The following MDGA2 variants were observed in gnomAD, a reference collection of about 807,000 sequenced individuals.
MDGA2 encodes the protein MAM domain containing glycosylphosphatidylinositol anchor 2, also known as MAM domain-containing glycosylphosphatidylinositol anchor protein 2.
Under a neutral mutation model 117.8 loss-of-function variants are expected in MDGA2, and 40 were observed. The observed-to-expected ratio is 0.34, with a 90% CI of 0.26 to 0.44. The LOEUF (loss-of-function observed/expected upper bound fraction) is 0.44, where lower values mean the gene tolerates loss of function less well. MDGA2 is among the 20% of genes least tolerant of loss of function. The pLI is 1.00. For missense variants in MDGA2, 1,123 were observed against 1,250.6 expected (o/e 0.90, Z 1.54); for synonymous variants, 452 against 439.0 (o/e 1.03, Z -0.37).
chr14:47,504,166 T>G (rs1682736617), intron 1 of MDGA2, among the ~76,000 whole-genome samples: 1 of 152,150 alleles, frequency 6.6e-6, no homozygotes, highest in African/African-American at 2.4e-5. Context: ...CTAAATGAAC[T>G]CTTTCAAAAC....
intron 1 of MDGA2, among the ~76,000 whole-genome samples, chr14:47,622,245 G>T (rs1267598661): frequency 6.6e-6 from 1 of 152,122 alleles, no homozygotes; most frequent in Non-Finnish European, 1.5e-5. Context: ...ATTTGGAGGG[G>T]GATGGGAGAA....
intron 7 of MDGA2, among the ~76,000 whole-genome samples, chr14:47,057,691 A>G (rs1889735513): frequency 8.5e-6 from 1 of 117,784 alleles, no homozygotes; most frequent in Non-Finnish European, 1.7e-5. Flanking sequence ...CTCCTCTCCA[A>G]TCTGCCTTGC....
intron 1 of MDGA2, among the ~76,000 whole-genome samples, chr14:47,431,680 T>C (rs1892802557): frequency 6.6e-6 from 1 of 152,058 alleles, no homozygotes; most frequent in Non-Finnish European, 1.5e-5. Flanking sequence ...CAGTATCATA[T>C]TATTACAAAA....
intron 1 of MDGA2, among the ~76,000 whole-genome samples, chr14:47,482,459 T>TAG (rs767042637): frequency 2.0e-5 from 3 of 152,016 alleles, no homozygotes; most frequent in South Asian, 4.1e-4. Context: ...ATAGAACACA[T>TAG]AACCTCTGTC....
intron 15 of MDGA2, among the ~76,000 whole-genome samples, 200 bp downstream of exon 15, chr14:46,854,824 A>G (rs1043929731): frequency 6.6e-6 from 1 of 151,984 alleles, no homozygotes; most frequent in African/African-American, 2.4e-5. Flanking sequence ...CAATTACTTG[A>G]TGAGTATTAA....
At chr14:47,616,364 T>C (rs1048867180) in intron 1 of MDGA2, among the ~76,000 whole-genome samples, 4 of 152,294 alleles carry the variant, frequency 2.6e-5, no homozygotes, top group South Asian at 4.1e-4. Context: ...TGTAAGATAA[T>C]TGTTGTTTTA....
chr14:46,916,748 T>C (rs557960824), intron 10 of MDGA2, among the ~76,000 whole-genome samples: 2 of 152,252 alleles, frequency 1.3e-5, no homozygotes, highest in Non-Finnish European at 2.9e-5. Flanking sequence ...AAGTCATTAC[T>C]CTTTATTGAG....
chr14:47,113,631 C>T (rs1425862584), intron 5 of MDGA2, among the ~76,000 whole-genome samples: 2 of 152,120 alleles, frequency 1.3e-5, no homozygotes. Flanking sequence ...TAATTCATCA[C>T]ATAAGCAGAA....
At chr14:47,382,787 A>T (rs1891666234) in intron 1 of MDGA2, among the ~76,000 whole-genome samples, 2 of 152,328 alleles carry the variant, frequency 1.3e-5, no homozygotes, top group Admixed American at 1.3e-4. Flanking sequence ...ATTGTAGAAG[A>T]CAGTGTGGCG....
chr14:47,409,964 G>A (rs1420483906), intron 1 of MDGA2, among the ~76,000 whole-genome samples: 1 of 152,164 alleles, frequency 6.6e-6, no homozygotes, highest in Non-Finnish European at 1.5e-5. Context: ...TGTGAAGTAT[G>A]TACGATAACT....
intron 1 of MDGA2, among the ~76,000 whole-genome samples, chr14:47,515,816 G>T (rs10147486): frequency 0.25 from 37,538 of 152,064 alleles, 5,491 homozygotes; most frequent in South Asian, 0.47. Context: ...CTTACTGGCT[G>T]TGTGGCCCTG....
intron 2 of MDGA2, among the ~76,000 whole-genome samples, chr14:47,237,987 C>T (rs935198881): frequency 5.3e-5 from 8 of 152,120 alleles, no homozygotes; most frequent in Non-Finnish European, 8.8e-5. Flanking sequence ...TCACCAGGCC[C>T]TATATCCTTC....
At chr14:47,591,706 G>T (rs1237913892) in intron 1 of MDGA2, among the ~76,000 whole-genome samples, 1 of 151,904 alleles carries the variant, frequency 6.6e-6, no homozygotes, top group Non-Finnish European at 1.5e-5. Flanking sequence ...AATAGACTCA[G>T]AAAGAGCCTT....
chr14:46,969,217 C>T (rs913436294), intron 8 of MDGA2, among the ~76,000 whole-genome samples: 29 of 152,144 alleles, frequency 1.9e-4, no homozygotes, highest in Non-Finnish European at 4.0e-4. Context: ...CATGCATGTG[C>T]ATGTGTCTTT....
chr14:47,484,399 T>A (rs1327377466), intron 1 of MDGA2, among the ~76,000 whole-genome samples: 2 of 152,188 alleles, frequency 1.3e-5, no homozygotes, highest in Non-Finnish European at 2.9e-5. Context: ...GACAATGGTA[T>A]AATTGAAATG....
At chr14:47,059,056 A>T in intron 7 of MDGA2, 2 of 1,012,644 alleles carry the variant, frequency 2.0e-6, no homozygotes, top group Non-Finnish European at 2.4e-6. Context: ...ACTTTAAGTC[A>T]GTAGGGAATT....
intron 1 of MDGA2, among the ~76,000 whole-genome samples, chr14:47,469,890 GAAAGCTAAAATCTATAAAAATAC>G (rs1893685444): frequency 6.6e-6 from 1 of 152,090 alleles, no homozygotes; most frequent in Admixed American, 6.5e-5. Context: ...AGGGCAGCCT[GAAAGCTAAAATCTATAAAAATAC>G]AGAAACTGGG....
At chr14:47,534,841 GA>G (rs1354560002) in intron 1 of MDGA2, among the ~76,000 whole-genome samples, 1 of 152,100 alleles carries the variant, frequency 6.6e-6, no homozygotes, top group Non-Finnish European at 1.5e-5. Flanking sequence ...ACATATAATG[GA>G]AAACCTCCCC....
chr14:47,664,265 C>T (rs530103791), intron 1 of MDGA2, among the ~76,000 whole-genome samples: 12 of 152,166 alleles, frequency 7.9e-5, no homozygotes, highest in Admixed American at 2.0e-4. Flanking sequence ...TAGACTGACA[C>T]AACCAGAATA....
Sources: allele counts gnomAD v4.1 joint callset (sites outside exome capture counted in the v4.1 genomes callset), GRCh38; gene constraint gnomAD v4.1.1; transcripts MANE v1.5; gene names NCBI Gene and HGNC (gene_info 2026-07-23, HGNC 2026-07-21).